Variants in LRRK1 observed in about 807,000 individuals in gnomAD.
The protein encoded by LRRK1 is leucine rich repeat kinase 1.
A neutral mutation model predicts 209.1 loss-of-function variants in LRRK1; 113 were observed. The observed-to-expected ratio is 0.54, with a 90% CI of 0.46 to 0.63. LRRK1 has a LOEUF of 0.63. Among genes scored for constraint, LRRK1 ranks in the 30% least tolerant of loss-of-function variants. LRRK1 has a pLI of 0.00. For missense variants in LRRK1, 2,284 were observed against 2,632.2 expected (o/e 0.87, Z 2.89); for synonymous variants, 1,144 against 1,099.7 (o/e 1.04, Z -0.80).
Position 100,920,623 on chromosome 15 carries a change from G to A in LRRK1, c.-123+1172G>A, listed in dbSNP as rs528314099. Among the ~76,000 whole-genome samples the A allele has an allele frequency of 1.8e-4, 27 of 152,058 alleles. No individual in the cohort carries two copies. The South Asian group carries it at 5.4e-3, about 30-fold the overall frequency. On this transcript the variant is annotated intron_variant, in intron 1 of 33. Coordinates refer to ENST00000388948, the MANE Select transcript of LRRK1 (RefSeq NM_024652.6). Reference sequence around the variant, plus strand: ...TCTGTTGAATCTATGTCTAAAATGTGTCCTGATCTGTCCCCTTTTTCTTAT... The same window carrying A: ...TCTGTTGAATCTATGTCTAAAATGTATCCTGATCTGTCCCCTTTTTCTTAT...
intron 2 of LRRK1, among the ~76,000 whole-genome samples, chr15:100,934,299 TC>T (rs1874511105): frequency 6.6e-6 from 1 of 152,248 alleles, no homozygotes; most frequent in Non-Finnish European, 1.5e-5. Context: ...TTTTTGAAGT[TC>T]TTTTTAATGA....
At chr15:100,989,541 G>A (rs1423727160) in intron 6 of LRRK1, 143 bp downstream of exon 6, 2 of 820,314 alleles carry the variant, frequency 2.4e-6, no homozygotes, top group East Asian at 2.7e-5. Context: ...GCATAGTGCT[G>A]GTATCTGGTG....
In LRRK1 at chr15:100,996,231, C is replaced by T. The variant is rs557980295; in HGVS notation, c.762+6833C>T. Among the ~76,000 whole-genome samples, 9 of 152,330 alleles carry T rather than the reference C, an allele frequency of 5.9e-5. No homozygotes were observed. In the South Asian group the frequency reaches 1.7e-3, roughly 28 times the overall value. On this transcript the variant is annotated intron_variant, in intron 6 of 33. Coordinates refer to ENST00000388948, the MANE Select transcript of LRRK1 (RefSeq NM_024652.6). ...AGTTTCGTGCATTGCAGAGCACTTC[C>T]GCACACATCACCACCGCCCTGGCGC... is the stretch of plus-strand genomic sequence containing the variant.
chr15:100,995,736 G>A (rs2032375858), intron 6 of LRRK1, among the ~76,000 whole-genome samples: 1 of 152,228 alleles, frequency 6.6e-6, no homozygotes, highest in Non-Finnish European at 1.5e-5. Flanking sequence ...CTCCTGTTCA[G>A]CAGTTAGAGG....
intron 2 of LRRK1, among the ~76,000 whole-genome samples, chr15:100,945,482 CTTTTTTTTTTTTT>C (rs34038990): frequency 7.9e-5 from 5 of 63,572 alleles, no homozygotes; most frequent in East Asian, 4.8e-4. Flanking sequence ...TGCAGAGCCT[CTTTTTTTTTTTTT>C]TTTTTTTTTT....
In LRRK1 at chr15:101,076,157, A is replaced by C. The variant is rs533749968; in HGVS notation, c.*7309A>C. The C allele has an allele frequency of 2.0e-5, 3 of 152,262 alleles. No homozygotes were observed. In the South Asian group the frequency reaches 6.2e-4, roughly 32 times the overall value. The allele number at this position is 152,262 out of a possible 1,614,324, so 9.4% of individuals were successfully genotyped here. ...CCTTCTGTCCAAACAACTTGACCTT[A>C]CTGTTTTAGCCTAGCCCTCATGTCT... is the stretch of plus-strand genomic sequence containing the variant. On this transcript the variant is annotated 3_prime_UTR_variant, in exon 34 of 34. Transcript: ENST00000388948.
chr15:101,029,103 A>T lies in LRRK1; in HGVS notation c.2834A>T (p.Lys945Met). The T allele has an allele frequency of 6.2e-7, 1 of 1,614,210 alleles. No homozygotes were observed. The highest frequency in any genetic ancestry group is 1.1e-5 in the South Asian group (1 of 91,088). Reference sequence around the variant, plus strand: ...ATTAAGGGCTCTCGGTCAGTGGCCAAGAATGGGGTGATCAGAGCAGAAGAC... The same window carrying T: ...ATTAAGGGCTCTCGGTCAGTGGCCATGAATGGGGTGATCAGAGCAGAAGAC... ...FNIKGSRSVA[K>M]NGVIRAEDLR... is the part of the protein sequence containing the mutation. The change falls in exon 20 of 34, where the codon AAG becomes ATG. Residue 945 changes from lysine to methionine, a missense_variant. Coordinates refer to ENST00000388948, the MANE Select transcript of LRRK1 (RefSeq NM_024652.6).
intron 1 of LRRK1, among the ~76,000 whole-genome samples, chr15:100,923,162 G>A (rs1299352039): frequency 6.6e-6 from 1 of 152,180 alleles, no homozygotes; most frequent in Admixed American, 6.5e-5. Flanking sequence ...CCCTGTCGTA[G>A]AGAGAGGCTG....
chr15:100,921,093 G>A, intron 1 of LRRK1, among the ~76,000 whole-genome samples: 1 of 152,138 alleles, frequency 6.6e-6, no homozygotes, highest in East Asian at 1.9e-4. Context: ...TTCTTTATCT[G>A]TTTAATTTCT....
intron 20 of LRRK1, among the ~76,000 whole-genome samples, chr15:101,042,218 CTTTTT>C (rs1208999149): frequency 6.6e-6 from 1 of 152,020 alleles, no homozygotes; most frequent in Non-Finnish European, 1.5e-5. Context: ...AACAAATTCT[CTTTTT>C]TAGACAAGAC....
At chr15:101,003,327 A>G (rs1344766959) in intron 6 of LRRK1, among the ~76,000 whole-genome samples, 1 of 152,134 alleles carries the variant, frequency 6.6e-6, no homozygotes, top group Non-Finnish European at 1.5e-5. Flanking sequence ...CACAGTGGGT[A>G]TGTGCCTACA....
At position 101,052,952 on chromosome 15, in the gene LRRK1, C is replaced by G; in HGVS notation, c.3720C>G (p.His1240Gln). The change falls in exon 25 of 34, where the codon CAC becomes CAG. Residue 1240 changes from histidine to glutamine, a missense_variant. His to Gln is a conservative substitution (Grantham distance 24). Transcript: ENST00000388948. ...RLFLENSKLE[H>Q]SEDEGSVLGQ... ...TCCTGGAGAACAGCAAGCTGGAGCA[C>G]AGCGAGGACGAGGGCAGCGTCCTGG... The G allele has an allele frequency of 6.2e-7, 1 of 1,611,126 alleles. No homozygotes were observed.
intron 6 of LRRK1, among the ~76,000 whole-genome samples, chr15:100,993,669 G>T (rs188427406): frequency 2.0e-5 from 3 of 152,222 alleles, no homozygotes; most frequent in African/African-American, 7.2e-5. Context: ...TCTCTTTGCC[G>T]TAGGTATATT....
intron 12 of LRRK1, among the ~76,000 whole-genome samples, chr15:101,017,505 A>G (rs977552991): frequency 6.6e-6 from 1 of 152,182 alleles, no homozygotes; most frequent in African/African-American, 2.4e-5. Context: ...CAGGCCACAC[A>G]GGAGGAGGTG....
At position 101,068,817 on chromosome 15, in the gene LRRK1, G is replaced by C; in HGVS notation, c.6017G>C (p.Arg2006Pro). ...TACCAGTCCTACGAGGAGCTGGGCC[G>C]GCTGGAGGCTTGCACTCGCAAGAGA... ...IFYQSYEELG[R>P]LEACTRKRR The change falls in exon 34 of 34, where the codon CGG (arginine) becomes CCG (proline). Residue 2006 changes from arginine to proline, a missense_variant. This residue lies in a region of LRRK1 where 643 missense variants were observed against 695.9 expected (regional missense o/e 0.92). Transcript: ENST00000388948. The C allele has an allele frequency of 6.2e-7, 1 of 1,609,266 alleles. No homozygotes were observed. The highest frequency in any genetic ancestry group is 8.5e-7 in the Non-Finnish European group (1 of 1,178,050).
Position 101,022,956 on chromosome 15 carries a change from C to G in LRRK1, c.2067+359C>G, listed in dbSNP as rs1318356923. Among the ~76,000 whole-genome samples, 1 of 152,030 alleles carries G rather than the reference C, an allele frequency of 6.6e-6. No homozygotes were observed. Among genetic ancestry groups the G allele is most frequent in the East Asian group, 1.9e-4 (1 of 5,196 alleles). ...GGCTCTGGGACAGTGGTTCTTAACC[C>G]CGGCTGTCTGTTAGATTCCCTTGAG... is the stretch of plus-strand genomic sequence containing the variant. On this transcript the variant is annotated intron_variant, in intron 15 of 33. Coordinates refer to ENST00000388948, the MANE Select transcript of LRRK1 (RefSeq NM_024652.6). This position sits in a 1 kb window ranked among gnomAD's most constrained non-coding sequence, Gnocchi z 4.0.
intron 4 of LRRK1, 34 bp downstream of exon 4, chr15:100,983,733 T>A (rs1286565471): frequency 6.2e-7 from 1 of 1,600,010 alleles, no homozygotes. Context: ...TAACCGTGTC[T>A]CAGGGCACCC....
chr15:101,046,742 C>T (rs2141123419), intron 21 of LRRK1, among the ~76,000 whole-genome samples: 1 of 152,310 alleles, frequency 6.6e-6, no homozygotes, highest in South Asian at 2.1e-4. Flanking sequence ...CTGTGCAGTC[C>T]AGTTTGAGAA....
At chr15:100,960,277 CTTTTTT>C (rs3031656) in intron 2 of LRRK1, among the ~76,000 whole-genome samples, 1 of 116,760 alleles carries the variant, frequency 8.6e-6, no homozygotes, top group Non-Finnish European at 1.7e-5. Flanking sequence ...GTTCATATTG[CTTTTTT>C]TTTTTTTTTT....
Sources: gnomAD v4.1 joint callset for allele counts (sites outside exome capture counted in the v4.1 genomes callset) on GRCh38, gnomAD v4.1.1 for gene constraint, gnomAD v4.1.1 regional missense constraint, Gnocchi (gnomAD v3.1) non-coding constraint, MANE v1.5 for transcripts, NCBI Gene and HGNC (gene_info 2026-07-23, HGNC 2026-07-21) for gene names.